Variants in C1GALT1 observed in about 807,000 individuals in gnomAD.
C1GALT1 encodes the protein core 1 synthase, glycoprotein-N-acetylgalactosamine 3-beta-galactosyltransferase 1.
C1GALT1 carries 11 observed loss-of-function variants against 31.0 expected under a neutral mutation model. The ratio of observed to expected loss-of-function variants is 0.36; its 90% confidence interval spans 0.22 to 0.59. The LOEUF is 0.59. Ranked by LOEUF, C1GALT1 falls within the 20% of genes least tolerant of loss-of-function variation. The probability of loss-of-function intolerance (pLI) is 0.79; values close to 1 mark genes in which losing one functional copy is unlikely to be tolerated. For synonymous variants in C1GALT1, 175 were observed against 143.6 expected (o/e 1.22, Z -1.56); for missense variants, 424 against 425.2 (o/e 1.00, Z 0.03).
chr7:7,231,842 C>T (rs972519649), intron 1 of C1GALT1, among the ~76,000 whole-genome samples: 5 of 151,024 alleles, frequency 3.3e-5, no homozygotes, highest in Non-Finnish European at 5.9e-5. Flanking sequence ...TTTTATATTT[C>T]TCCAGGAGAA....
intron 1 of C1GALT1, among the ~76,000 whole-genome samples, chr7:7,223,945 T>G (rs1009482381): frequency 1.7e-4 from 26 of 152,144 alleles, no homozygotes; most frequent in African/African-American, 6.0e-4. Context: ...TTCCTTCTGT[T>G]TTTGTTTTTC....
At chr7:7,206,707 C>T (rs937127577) in intron 1 of C1GALT1, among the ~76,000 whole-genome samples, 1 of 149,684 alleles carries the variant, frequency 6.7e-6, no homozygotes, top group South Asian at 2.1e-4. Context: ...AATGTCTCAG[C>T]TTTTGTTTTA....
chr7:7,185,468 C>G (rs893544367), intron 1 of C1GALT1, among the ~76,000 whole-genome samples: 6 of 152,166 alleles, frequency 3.9e-5, no homozygotes, highest in African/African-American at 1.4e-4. Flanking sequence ...TGTCTGAAAT[C>G]AAGATGTAGG....
At chr7:7,231,274 TTGAC>T (rs747404427) in intron 1 of C1GALT1, among the ~76,000 whole-genome samples, 2 of 152,192 alleles carry the variant, frequency 1.3e-5, no homozygotes, top group Admixed American at 1.3e-4. Context: ...TTTCAGTAGT[TTGAC>T]TGATGTACTT....
intron 2 of C1GALT1, among the ~76,000 whole-genome samples, chr7:7,169,227 G>A (rs903106517): frequency 1.3e-5 from 2 of 152,118 alleles, no homozygotes; most frequent in African/African-American, 2.4e-5. Context: ...CACTGTATGT[G>A]TATAAAATAT....
chr7:7,215,210 C>T (rs1274988320), intron 1 of C1GALT1, among the ~76,000 whole-genome samples: 2 of 152,142 alleles, frequency 1.3e-5, no homozygotes, highest in Non-Finnish European at 2.9e-5. Flanking sequence ...AGCAGGCTTA[C>T]GGAGTCCTGG....
intron 1 of C1GALT1, among the ~76,000 whole-genome samples, chr7:7,194,433 A>C (rs576664031): frequency 6.6e-6 from 1 of 152,136 alleles, no homozygotes; most frequent in Non-Finnish European, 1.5e-5. Context: ...TGAGATGATT[A>C]TGTGATTTTT....
chr7:7,212,232 C>T lies in C1GALT1; in HGVS notation c.-17-22071C>T, dbSNP rs958518432. 3.3e-5 allele frequency among the ~76,000 whole-genome samples: 5 copies of T among 152,146 alleles called. No individual in the cohort carries two copies. In the South Asian group the frequency reaches 8.3e-4, roughly 25 times the overall value. On this transcript the variant is annotated intron_variant, in intron 1 of 3. Coordinates refer to ENST00000436587, the MANE Select transcript of C1GALT1 (RefSeq NM_020156.5). ...AGCTTCCAGACCTGTTAGAAAGTGA[C>T]GTTCTTTACTGACCACAGGTTAGGA...
At chr7:7,243,201 T>C (rs2128253668) in intron 3 of C1GALT1, among the ~76,000 whole-genome samples, 1 of 152,256 alleles carries the variant, frequency 6.6e-6, no homozygotes, top group Non-Finnish European at 1.5e-5. Flanking sequence ...GAAGGAGATT[T>C]CTCCTTGTAT....
intron 1 of C1GALT1, among the ~76,000 whole-genome samples, chr7:7,230,071 C>T (rs992814168): frequency 2.0e-5 from 3 of 152,210 alleles, no homozygotes; most frequent in Middle Eastern, 3.4e-3. Flanking sequence ...TTTTTCTTCC[C>T]AAACTGGAAT....
At chr7:7,231,670 T>G (rs1442163662) in intron 1 of C1GALT1, among the ~76,000 whole-genome samples, 3 of 152,188 alleles carry the variant, frequency 2.0e-5, no homozygotes, top group Non-Finnish European at 4.4e-5. Flanking sequence ...TATGAAAATC[T>G]TATTTGAGTC....
Position 7,218,038 on chromosome 7 carries a change from T to TATATGAA in C1GALT1, c.-17-16265_-17-16264insATATGAA, listed in dbSNP as rs199874958. 8.6e-3 allele frequency among the ~76,000 whole-genome samples: 1,305 copies of TATATGAA among 152,134 alleles called. 16 individuals carry two copies. The highest frequency in any genetic ancestry group is 0.03 in the African/African-American group (1,242 of 41,476). The stretch of plus-strand genomic sequence containing the variant: ...TTTACTGATGAGTATATAGTAAAGG[T>TATATGAA]GTAAATGAAGGAATAAGGAAAAATT... On this transcript the variant is annotated intron_variant, in intron 1 of 3. Transcript: ENST00000436587.
chr7:7,198,341 A>T (rs914206168), intron 1 of C1GALT1, among the ~76,000 whole-genome samples: 2 of 152,112 alleles, frequency 1.3e-5, no homozygotes, highest in African/African-American at 4.8e-5. Flanking sequence ...ACGTTTATTG[A>T]TTTGCGTATG....
intron 2 of C1GALT1, among the ~76,000 whole-genome samples, chr7:7,237,967 TC>T (rs1783441578): frequency 6.6e-6 from 1 of 152,158 alleles, no homozygotes; most frequent in South Asian, 2.1e-4. Flanking sequence ...TCTAACAGGC[TC>T]CCAGGTGATG....
At chr7:7,160,487 G>A (rs1288420580) in intron 2 of C1GALT1, among the ~76,000 whole-genome samples, 2 of 152,082 alleles carry the variant, frequency 1.3e-5, no homozygotes, top group African/African-American at 4.8e-5. Flanking sequence ...ATGTTACCCT[G>A]TTTCTCATGA....
At chr7:7,159,882 G>A (rs1281081863) in intron 2 of C1GALT1, among the ~76,000 whole-genome samples, 1 of 152,096 alleles carries the variant, frequency 6.6e-6, no homozygotes, top group Non-Finnish European at 1.5e-5. Flanking sequence ...TGTAATGGAA[G>A]AAAAGGGAAC....
intron 1 of C1GALT1, among the ~76,000 whole-genome samples, chr7:7,209,242 C>A (rs1414581711): frequency 2.0e-5 from 3 of 152,136 alleles, no homozygotes; most frequent in African/African-American, 7.2e-5. Context: ...CATTATAAGT[C>A]GCATATTATC....
intron 1 of C1GALT1, among the ~76,000 whole-genome samples, chr7:7,234,010 G>GA (rs1783214517): frequency 6.6e-6 from 1 of 152,136 alleles, no homozygotes; most frequent in African/African-American, 2.4e-5. Context: ...AACACGACAG[G>GA]AAGCCCTGGA....
In C1GALT1 at chr7:7,215,005, A is replaced by G. The variant is rs1291471637; in HGVS notation, c.-17-19298A>G. ...GGATCAGCTGGTACCATCCAGGTTGACTAACTGGATTATCTGATTTTGTGG... is the reference window on the plus strand; with the variant it reads ...GGATCAGCTGGTACCATCCAGGTTGGCTAACTGGATTATCTGATTTTGTGG... On this transcript the variant is annotated intron_variant, in intron 1 of 3. Coordinates refer to ENST00000436587, the MANE Select transcript of C1GALT1 (RefSeq NM_020156.5). Among the ~76,000 whole-genome samples, 10 of 152,330 alleles carry G rather than the reference A, an allele frequency of 6.6e-5. No homozygotes were observed. In the East Asian group the frequency reaches 1.9e-3, roughly 29 times the overall value.
Sources: allele counts gnomAD v4.1 joint callset (sites outside exome capture counted in the v4.1 genomes callset), GRCh38; gene constraint gnomAD v4.1.1; transcripts MANE v1.5; gene names NCBI Gene and HGNC (gene_info 2026-07-23, HGNC 2026-07-21).